NDST4: variants seen among roughly 807,000 people sequenced by gnomAD.
NDST4 encodes the protein N-heparan sulfate sulfotransferase 4.
NDST4 carries 63 observed loss-of-function variants against 100.8 expected under a neutral mutation model. That is an observed-to-expected ratio of 0.62 (90% CI 0.51 to 0.77). The LOEUF (loss-of-function observed/expected upper bound fraction) is 0.77, where lower values mean the gene tolerates loss of function less well. Ranked by LOEUF, NDST4 falls within the 30% of genes least tolerant of loss-of-function variation. The probability of loss-of-function intolerance (pLI) is 0.00; values close to 1 mark genes in which losing one functional copy is unlikely to be tolerated. For missense variants in NDST4, 943 were observed against 1,018.4 expected (o/e 0.93, Z 1.01); for synonymous variants, 377 against 361.8 (o/e 1.04, Z -0.48).
chr4:115,062,512 T>A (rs1169096941), intron 2 of NDST4, among the ~76,000 whole-genome samples: 3 of 151,750 alleles, frequency 2.0e-5, no homozygotes, highest in Non-Finnish European at 2.9e-5. Flanking sequence ...TAAAATTAAG[T>A]TGTTGTATGA....
rs1729206103 is a variant in NDST4, at chr4:115,077,138, A to G, written c.-102T>C. On this transcript the variant is annotated 5_prime_UTR_variant, in exon 2 of 14. An upstream start codon of the reference 5' UTR is lost. Coordinates refer to ENST00000264363, the MANE Select transcript of NDST4 (RefSeq NM_022569.3). Reference sequence around the variant, plus strand: ...TGCAAATATCACTTCCCCAGAGTTCATGTAACCATCGCAAATCATGTAAAA... The same window carrying G: ...TGCAAATATCACTTCCCCAGAGTTCGTGTAACCATCGCAAATCATGTAAAA... 1 of 1,102,274 alleles carries G rather than the reference A, an allele frequency of 9.1e-7. No individual in the cohort carries two copies. Among genetic ancestry groups the G allele is most frequent in the Admixed American group, 2.8e-5 (1 of 35,862 alleles). The allele number at this position is 1,102,274 out of a possible 1,614,324, so 68.3% of individuals were successfully genotyped here.
At chr4:114,909,648 C>T (rs1488386676) in intron 6 of NDST4, among the ~76,000 whole-genome samples, 24 of 124,256 alleles carry the variant, frequency 1.9e-4, no homozygotes, top group African/African-American at 6.4e-4. Flanking sequence ...GCCTGCTGGG[C>T]GACAGAGCGA....
chr4:114,829,910 T>C lies in NDST4; in HGVS notation c.2397-18A>G, dbSNP rs1415371361. 4 of 1,560,910 alleles carry C rather than the reference T, an allele frequency of 2.6e-6. No individual in the cohort carries two copies. The African/African-American group carries it at 5.5e-5, about 21-fold the overall frequency. ...GATCAAACCTACAGTACATAAAACA[T>C]AATGATTACAAATTGTATGCAGAAT... is the stretch of plus-strand genomic sequence containing the variant. On this transcript the variant is annotated intron_variant, in intron 12 of 13. Transcript: ENST00000264363.
intron 7 of NDST4, among the ~76,000 whole-genome samples, chr4:114,865,401 A>T (rs766350314): frequency 4.6e-5 from 7 of 152,144 alleles, no homozygotes; most frequent in Non-Finnish European, 8.8e-5. Context: ...ACTTTTGAAC[A>T]TAGTCCCTTA....
chr4:114,933,456 T>TTTTTTTTTTTTTTTTTA (rs1337610741), intron 6 of NDST4, among the ~76,000 whole-genome samples: 2 of 133,424 alleles, frequency 1.5e-5, no homozygotes, highest in African/African-American at 2.7e-5. Flanking sequence ...TTTTTTTTTG[T>TTTTTTTTTTTTTTTTTA]GTGTAAAAAC....
intron 2 of NDST4, among the ~76,000 whole-genome samples, chr4:115,003,606 G>A (rs558807512): frequency 6.6e-6 from 1 of 152,134 alleles, no homozygotes; most frequent in East Asian, 1.9e-4. Context: ...GGTGGCTCAC[G>A]CCTGTAATCC....
intron 6 of NDST4, among the ~76,000 whole-genome samples, chr4:114,919,358 A>T (rs557572868): frequency 6.6e-6 from 1 of 152,276 alleles, no homozygotes; most frequent in East Asian, 1.9e-4. Flanking sequence ...AAATAAGACA[A>T]GTTAGTGATA....
intron 4 of NDST4, among the ~76,000 whole-genome samples, chr4:114,940,467 G>A (rs1725724676): frequency 1.3e-5 from 2 of 152,116 alleles, no homozygotes. Context: ...GTTGAAATGG[G>A]ATGGTTCCCT....
intron 11 of NDST4, among the ~76,000 whole-genome samples, chr4:114,836,191 A>G (rs1578334084): frequency 6.6e-6 from 1 of 152,244 alleles, no homozygotes; most frequent in South Asian, 2.1e-4. Context: ...TACTTAATAC[A>G]ATTTCTTCAT....
intron 1 of NDST4, among the ~76,000 whole-genome samples, chr4:115,083,861 T>G (rs2126292340): frequency 6.6e-6 from 1 of 152,258 alleles, no homozygotes; most frequent in African/African-American, 2.4e-5. Flanking sequence ...GCGAGTCAAT[T>G]AAACCTCTTT....
chr4:114,949,615 G>C lies in NDST4; in HGVS notation c.1222-12112C>G, dbSNP rs182723067. The stretch of plus-strand genomic sequence containing the variant: ...GCCAATGGGACCATACAGCAGGTTA[G>C]AGAAAGAAATAAAAGCTAAGGGCAG... On this transcript the variant is annotated intron_variant, in intron 4 of 13. Coordinates refer to ENST00000264363, the MANE Select transcript of NDST4 (RefSeq NM_022569.3). Among the ~76,000 whole-genome samples the C allele has an allele frequency of 1.7e-3, 256 of 152,086 alleles. 1 individual carries two copies. The highest frequency in any genetic ancestry group is 3.7e-3 in the Admixed American group (57 of 15,238).
At chr4:115,078,123 TA>T (rs1020808589) in intron 1 of NDST4, among the ~76,000 whole-genome samples, 2 of 152,120 alleles carry the variant, frequency 1.3e-5, no homozygotes, top group African/African-American at 4.8e-5. Flanking sequence ...TGTATTGCTC[TA>T]AAAAAACACC....
chr4:115,023,643 G>A (rs1025147849), intron 2 of NDST4, among the ~76,000 whole-genome samples: 4 of 152,058 alleles, frequency 2.6e-5, no homozygotes, highest in African/African-American at 9.7e-5. Flanking sequence ...GAAGCAGAAT[G>A]TAAAAAATTG....
chr4:115,094,140 A>C (rs1012613455), intron 1 of NDST4, among the ~76,000 whole-genome samples: 2 of 151,472 alleles, frequency 1.3e-5, no homozygotes, highest in Non-Finnish European at 3.0e-5. Flanking sequence ...TTATTAATGA[A>C]GTTATTAAAT....
chr4:114,955,006 A>C (rs539915054), intron 4 of NDST4, among the ~76,000 whole-genome samples: 2 of 152,316 alleles, frequency 1.3e-5, no homozygotes, highest in African/African-American at 4.8e-5. Flanking sequence ...AGAAGCTGCT[A>C]TGCTTCTTAT....
At chr4:115,077,404 A>T (rs1470894150) in intron 1 of NDST4, 122 bp from the exon 2 acceptor site, 2 of 158,110 alleles carry the variant, frequency 1.3e-5, no homozygotes, top group Non-Finnish European at 2.8e-5. Flanking sequence ...TAATATGCTA[A>T]AATATTAACA....
chr4:114,894,326 T>G (rs1472911345), intron 6 of NDST4, among the ~76,000 whole-genome samples: 1 of 152,220 alleles, frequency 6.6e-6, no homozygotes, highest in African/African-American at 2.4e-5. Context: ...TAAATTACTT[T>G]GGGCAGTTTG....
At chr4:115,107,325 GT>G (rs893334167) in intron 1 of NDST4, among the ~76,000 whole-genome samples, 28 of 152,112 alleles carry the variant, frequency 1.8e-4, no homozygotes, top group African/African-American at 6.5e-4. Context: ...AAACTGATTA[GT>G]TTTTTTACTT....
At chr4:114,844,372 C>A (rs1352156988) in intron 10 of NDST4, among the ~76,000 whole-genome samples, 1 of 152,186 alleles carries the variant, frequency 6.6e-6, no homozygotes, top group Non-Finnish European at 1.5e-5. Flanking sequence ...TGGTTCTAGC[C>A]CTAGTGTGCC....
Sources: allele counts gnomAD v4.1 joint callset (sites outside exome capture counted in the v4.1 genomes callset), GRCh38; gene constraint gnomAD v4.1.1; transcripts MANE v1.5; gene names NCBI Gene and HGNC (gene_info 2026-07-23, HGNC 2026-07-21).